The following ARID4B variants were observed in gnomAD, a reference collection of about 807,000 sequenced individuals.
The protein encoded by ARID4B is AT-rich interactive domain-containing protein 4B.
Under a neutral mutation model 147.5 loss-of-function variants are expected in ARID4B, and 26 were observed. That is an observed-to-expected ratio of 0.18 (90% CI 0.13 to 0.24). The LOEUF (loss-of-function observed/expected upper bound fraction) is 0.24. Among genes scored for constraint, ARID4B ranks in the 10% least tolerant of loss-of-function variants. The pLI, the probability that ARID4B is intolerant of heterozygous loss-of-function variation, is 1.00. For synonymous variants in ARID4B, 512 were observed against 507.9 expected (o/e 1.01, Z -0.11); for missense variants, 1,179 against 1,511.5 (o/e 0.78, Z 3.65).
At chr1:235,190,491 A>T (rs1402813878) in intron 19 of ARID4B, among the ~76,000 whole-genome samples, 1 of 152,024 alleles carries the variant, frequency 6.6e-6, no homozygotes, top group African/African-American at 2.4e-5. Flanking sequence ...ACAGAAAAGC[A>T]AAAAATAAAG....
chr1:235,278,632 G>A (rs1332494533), intron 2 of ARID4B, among the ~76,000 whole-genome samples: 1 of 152,118 alleles, frequency 6.6e-6, no homozygotes, highest in Non-Finnish European at 1.5e-5. Context: ...CTTAAAAACA[G>A]ATAAGAAATA....
intron 19 of ARID4B, chr1:235,187,056 T>C (rs763866893): frequency 2.5e-6 from 1 of 398,656 alleles, no homozygotes; most frequent in South Asian, 1.8e-5. Context: ...CTTATTCTTT[T>C]CTTTTTCACT....
intron 2 of ARID4B, among the ~76,000 whole-genome samples, chr1:235,303,147 T>A (rs909166629): frequency 6.6e-6 from 1 of 152,040 alleles, no homozygotes; most frequent in African/African-American, 2.4e-5. Context: ...ATGGTCTCAA[T>A]CTCCTGACCT....
At chr1:235,238,588 G>GCC (rs1668774586) in intron 8 of ARID4B, among the ~76,000 whole-genome samples, 1 of 152,196 alleles carries the variant, frequency 6.6e-6, no homozygotes, top group Non-Finnish European at 1.5e-5. Context: ...GGGCTCAGTA[G>GCC]CCCCCACCTG....
chr1:235,197,242 T>C (rs1290201530), intron 17 of ARID4B, among the ~76,000 whole-genome samples: 2 of 152,200 alleles, frequency 1.3e-5, no homozygotes, highest in Non-Finnish European at 2.9e-5. Context: ...TTATATACAT[T>C]ACTCATAGAA....
chr1:235,253,008 A>G (rs948736015), intron 5 of ARID4B, among the ~76,000 whole-genome samples, 199 bp from the exon 6 acceptor site: 9 of 152,248 alleles, frequency 5.9e-5, no homozygotes, highest in Admixed American at 5.2e-4. Context: ...CTAGTGAAAA[A>G]GAAACAACAT....
chr1:235,169,379 T>C (rs772675824), intron 23 of ARID4B, among the ~76,000 whole-genome samples: 1 of 150,612 alleles, frequency 6.6e-6, no homozygotes, highest in African/African-American at 2.5e-5. Context: ...TAGCTGGGAC[T>C]ATAAGCGCCC....
At chr1:235,308,294 G>A (rs1673724876) in intron 2 of ARID4B, among the ~76,000 whole-genome samples, 1 of 151,800 alleles carries the variant, frequency 6.6e-6, no homozygotes, top group African/African-American at 2.4e-5. Flanking sequence ...AGTAGAGACA[G>A]GGTTTCGCTG....
chr1:235,318,940 T>C (rs899704569), intron 2 of ARID4B, among the ~76,000 whole-genome samples: 1 of 152,086 alleles, frequency 6.6e-6, no homozygotes, highest in African/African-American at 2.4e-5. Context: ...AGTGAATGAC[T>C]GCTAATGGAT....
chr1:235,276,503 A>G (rs1671324391), intron 2 of ARID4B, among the ~76,000 whole-genome samples: 1 of 152,128 alleles, frequency 6.6e-6, no homozygotes, highest in Admixed American at 6.6e-5. Flanking sequence ...AGAAAAAATA[A>G]AGCAAGAATA....
intron 2 of ARID4B, among the ~76,000 whole-genome samples, chr1:235,302,949 G>A (rs536143061): frequency 1.5e-3 from 144 of 96,782 alleles, no homozygotes; most frequent in Middle Eastern, 4.8e-3. Flanking sequence ...TTTTTGAGAC[G>A]GAGTCTCGCT....
At chr1:235,288,290 C>A (rs1672116689) in intron 2 of ARID4B, among the ~76,000 whole-genome samples, 1 of 151,888 alleles carries the variant, frequency 6.6e-6, no homozygotes, top group East Asian at 1.9e-4. Context: ...GCCTGAAAAA[C>A]AGAGTGAGAC....
intron 2 of ARID4B, among the ~76,000 whole-genome samples, chr1:235,294,971 T>C (rs1018272583): frequency 1.3e-5 from 2 of 151,446 alleles, no homozygotes; most frequent in Non-Finnish European, 2.9e-5. Flanking sequence ...AGAATTATTA[T>C]TTCAAGTATC....
intron 16 of ARID4B, among the ~76,000 whole-genome samples, chr1:235,216,089 C>A (rs1667054258): frequency 6.6e-6 from 1 of 151,886 alleles, no homozygotes; most frequent in Non-Finnish European, 1.5e-5. Flanking sequence ...TATAGTGGGG[C>A]AGGAGTGTTG....
intron 17 of ARID4B, among the ~76,000 whole-genome samples, chr1:235,200,391 G>A (rs1057419491): frequency 6.6e-6 from 1 of 152,124 alleles, no homozygotes; most frequent in African/African-American, 2.4e-5. Flanking sequence ...CCCGAGAGGC[G>A]GAGGTTGCAG....
chr1:235,238,120 G>C (rs1447898405), intron 8 of ARID4B, among the ~76,000 whole-genome samples: 1 of 133,138 alleles, frequency 7.5e-6, no homozygotes, highest in Admixed American at 7.5e-5. Context: ...TCCAGCCTGG[G>C]CAACAAGGGC....
chr1:235,225,904 T>C (rs1667799046), intron 11 of ARID4B, among the ~76,000 whole-genome samples: 1 of 152,206 alleles, frequency 6.6e-6, no homozygotes, highest in East Asian at 1.9e-4. Context: ...GAAAAATAAA[T>C]GACAACCATT....
intron 2 of ARID4B, among the ~76,000 whole-genome samples, chr1:235,292,662 A>C (rs1282799317): frequency 6.6e-6 from 1 of 152,164 alleles, no homozygotes; most frequent in African/African-American, 2.4e-5. Context: ...AGTGATAGGA[A>C]AAGGAACCCC....
chr1:235,309,534 C>T (rs1319778225), intron 2 of ARID4B, among the ~76,000 whole-genome samples: 1 of 149,690 alleles, frequency 6.7e-6, no homozygotes, highest in African/African-American at 2.5e-5. Context: ...CCAGCCGCCC[C>T]GTCCGGGAGG....
Sources: gnomAD v4.1 joint callset for allele counts (sites outside exome capture counted in the v4.1 genomes callset) on GRCh38, gnomAD v4.1.1 for gene constraint, MANE v1.5 for transcripts, NCBI Gene and HGNC (gene_info 2026-07-23, HGNC 2026-07-21) for gene names.